The following ACOT7 variants were observed in gnomAD, a reference collection of about 807,000 sequenced individuals.
ACOT7 encodes cytosolic acyl coenzyme A thioester hydrolase.
A neutral mutation model predicts 40.2 loss-of-function variants in ACOT7; 12 were observed. The ratio of observed to expected loss-of-function variants is 0.30; its 90% CI spans 0.19 to 0.48. ACOT7 has a LOEUF of 0.48. ACOT7 is among the 20% of genes least tolerant of loss of function. The probability of loss-of-function intolerance (pLI) is 0.99; values close to 1 mark genes in which losing one functional copy is unlikely to be tolerated. For missense variants in ACOT7, 395 were observed against 530.8 expected (o/e 0.74, Z 2.51); for synonymous variants, 228 against 219.5 (o/e 1.04, Z -0.34).
Position 6,306,375 on chromosome 1 carries a change from C to A in ACOT7, c.713-11395G>T. On this transcript the variant is annotated intron_variant, in intron 6 of 8. Coordinates refer to ENST00000361521, the MANE Select transcript of ACOT7 (RefSeq NM_007274.4). This position sits in a 1 kb window ranked among gnomAD's most constrained non-coding sequence, Gnocchi z 4.3. ...AGAGGAGGACCCAGTGTGGGCAGGA[C>A]AAAGTGAGTTCCTGGGACAGGTGCC... The A allele has an allele frequency of 1.0e-6, 1 of 985,346 alleles. No individual in the cohort carries two copies. Among genetic ancestry groups the A allele is most frequent in the Non-Finnish European group, 1.2e-6 (1 of 829,916 alleles). 61.0% of individuals were successfully genotyped at this position (985,346 alleles called of 1,614,324 possible).
chr1:6,331,184 G>T (rs569502229), intron 4 of ACOT7, among the ~76,000 whole-genome samples: 1 of 152,190 alleles, frequency 6.6e-6, no homozygotes, highest in African/African-American at 2.4e-5. Flanking sequence ...TTGTTGAACC[G>T]AGGGCTGGTG....
intron 2 of ACOT7, 66 bp from the exon 3 acceptor site, chr1:6,339,655 CATGCCCCCT>C: frequency 1.3e-6 from 2 of 1,566,806 alleles, no homozygotes; most frequent in Non-Finnish European, 1.7e-6. Flanking sequence ...CCACCCAGGA[CATGCCCCCT>C]GGAAACGGTC....
intron 1 of ACOT7, among the ~76,000 whole-genome samples, chr1:6,370,788 C>G (rs1367229277): frequency 3.3e-5 from 5 of 150,296 alleles, no homozygotes; most frequent in Non-Finnish European, 7.4e-5. Context: ...TCACCACGCA[C>G]AGCCAATGAT....
chr1:6,369,752 G>A (rs1642093400), intron 1 of ACOT7, among the ~76,000 whole-genome samples: 1 of 151,420 alleles, frequency 6.6e-6, no homozygotes, highest in African/African-American at 2.4e-5. Flanking sequence ...CTAATTTTTT[G>A]TATTTTTTGT....
intron 6 of ACOT7, among the ~76,000 whole-genome samples, chr1:6,296,377 C>T (rs1329310529): frequency 6.6e-6 from 1 of 152,210 alleles, no homozygotes; most frequent in Non-Finnish European, 1.5e-5. Context: ...CCCCCACCCC[C>T]AGTTCTCATC....
At chr1:6,304,624 T>C (rs1259790661) in intron 6 of ACOT7, among the ~76,000 whole-genome samples, 1 of 135,712 alleles carries the variant, frequency 7.4e-6, no homozygotes, top group Non-Finnish European at 1.5e-5. Context: ...TTCAAGCATC[T>C]GTTTAACAAA....
intron 2 of ACOT7, among the ~76,000 whole-genome samples, chr1:6,341,053 C>T (rs557473395): frequency 1.3e-5 from 2 of 151,414 alleles, no homozygotes; most frequent in Admixed American, 1.3e-4. Context: ...ACAACAACAA[C>T]AAAACACTAA....
intron 4 of ACOT7, among the ~76,000 whole-genome samples, chr1:6,329,436 C>G (rs1262538387): frequency 6.6e-6 from 1 of 152,146 alleles, no homozygotes; most frequent in Non-Finnish European, 1.5e-5. Flanking sequence ...GTGTATCTAC[C>G]TAGGAACATT....
intron 1 of ACOT7, among the ~76,000 whole-genome samples, chr1:6,385,323 GGTGGCCACTTAA>G (rs142622909): frequency 0.11 from 16,789 of 151,730 alleles, 1,528 homozygotes; most frequent in African/African-American, 0.23. Flanking sequence ...CTCCACTGAG[GGTGGCCACTTAA>G]GTGGGCACTT....
intron 3 of ACOT7, among the ~76,000 whole-genome samples, chr1:6,335,192 G>A (rs1419756125): frequency 6.6e-6 from 1 of 151,850 alleles, no homozygotes; most frequent in South Asian, 2.1e-4. Flanking sequence ...TTAGCCGGGC[G>A]TGGTGGTGCC....
At chr1:6,302,748 G>A (rs1298875111) in intron 6 of ACOT7, among the ~76,000 whole-genome samples, 3 of 151,816 alleles carry the variant, frequency 2.0e-5, no homozygotes, top group South Asian at 4.2e-4. Flanking sequence ...GTAGGGCCTC[G>A]TGCCAAGCCT....
chr1:6,371,535 G>C (rs1385822733), intron 1 of ACOT7, among the ~76,000 whole-genome samples: 2 of 151,464 alleles, frequency 1.3e-5, no homozygotes, highest in Non-Finnish European at 2.9e-5. Context: ...GCTAATTTTT[G>C]TATTTTTAGT....
Position 6,306,534 on chromosome 1 carries a change from A to C in ACOT7, c.713-11554T>G, listed in dbSNP as rs929956831. On this transcript the variant is annotated intron_variant, in intron 6 of 8. Coordinates refer to ENST00000361521, the MANE Select transcript of ACOT7 (RefSeq NM_007274.4). This position sits in a 1 kb window ranked among gnomAD's most constrained non-coding sequence, Gnocchi z 4.3. ...CCGCTGAAGCATCAGGATGGACGTGAAGCTGTTCTTCAGAACAGAAGAACC... is the reference window on the plus strand; with the variant it reads ...CCGCTGAAGCATCAGGATGGACGTGCAGCTGTTCTTCAGAACAGAAGAACC... The C allele has an allele frequency of 1.0e-6, 1 of 985,272 alleles. No homozygotes were observed. Among genetic ancestry groups the C allele is most frequent in the African/African-American group, 1.7e-5 (1 of 57,214 alleles). 61.0% of individuals were successfully genotyped at this position (985,272 alleles called of 1,614,324 possible).
intron 4 of ACOT7, among the ~76,000 whole-genome samples, chr1:6,332,622 T>C (rs914164602): frequency 2.0e-4 from 31 of 152,104 alleles, no homozygotes; most frequent in African/African-American, 7.5e-4. Flanking sequence ...AAGACCATCC[T>C]GGCTAACATG....
Position 6,294,855 on chromosome 1 carries a change from A to C in ACOT7, c.829+9T>G. ...CTGCCTCCCTCGTCTTTGCCAGAAG[A>C]GTGGTTACCTTTTCTGATCTTGTCA... is the stretch of plus-strand genomic sequence containing the variant. On this transcript the variant is annotated intron_variant, in intron 7 of 8. Transcript: ENST00000361521. This position sits in a 1 kb window ranked among gnomAD's most constrained non-coding sequence, Gnocchi z 4.6. 6.2e-7 allele frequency: 1 copy of C among 1,612,370 alleles called. No homozygotes were observed. Among genetic ancestry groups the C allele is most frequent in the Non-Finnish European group, 8.5e-7 (1 of 1,178,598 alleles).
At chr1:6,271,523 A>G (rs1262856959) in intron 8 of ACOT7, among the ~76,000 whole-genome samples, 3 of 152,200 alleles carry the variant, frequency 2.0e-5, no homozygotes, top group African/African-American at 7.2e-5. Context: ...TGATGAGCTT[A>G]GCACCAGGAC....
intron 1 of ACOT7, chr1:6,385,376 C>A: frequency 7.8e-7 from 1 of 1,276,332 alleles, no homozygotes; most frequent in Admixed American, 2.2e-5. Flanking sequence ...GCTCATCCAA[C>A]ACCCGACCCT....
At chr1:6,325,309 A>G (rs1221939498) in intron 5 of ACOT7, among the ~76,000 whole-genome samples, 2 of 151,908 alleles carry the variant, frequency 1.3e-5, no homozygotes, top group African/African-American at 4.8e-5. Flanking sequence ...GAGGCAGGAG[A>G]ATGGCGTGAA....
rs796434539 is a variant in ACOT7, at chr1:6,275,689, G to A, written c.1014+5413C>T. Among the ~76,000 whole-genome samples, 5 of 142,824 alleles carry A rather than the reference G, an allele frequency of 3.5e-5. No individual in the cohort carries two copies. The highest frequency in any genetic ancestry group is 1.3e-4 in the African/African-American group (5 of 38,008). The allele number at this position is 142,824 out of a possible 152,430, so 93.7% of individuals were successfully genotyped here. ...CCGAGATCCAGCCATTGCACTCCAGGTTGGGCGACAGAGTGAGGCTCCGTC... is the reference window on the plus strand; with the variant it reads ...CCGAGATCCAGCCATTGCACTCCAGATTGGGCGACAGAGTGAGGCTCCGTC... On this transcript the variant is annotated intron_variant, in intron 8 of 8. Coordinates refer to ENST00000361521, the MANE Select transcript of ACOT7 (RefSeq NM_007274.4). The surrounding 1 kb of genome is among the most constrained non-coding windows in gnomAD (Gnocchi z 5.6).
Sources: allele counts gnomAD v4.1 joint callset (sites outside exome capture counted in the v4.1 genomes callset), GRCh38; gene constraint gnomAD v4.1.1; non-coding constraint Gnocchi (gnomAD v3.1); transcripts MANE v1.5; gene names NCBI Gene and HGNC (gene_info 2026-07-23, HGNC 2026-07-21).